The following WAC variants were observed in gnomAD, a reference collection of about 807,000 sequenced individuals.
The protein encoded by WAC is WW domain containing adaptor with coiled-coil.
A neutral mutation model predicts 79.6 loss-of-function variants in WAC; 11 were observed. The observed-to-expected ratio is 0.14, with a 90% CI of 0.09 to 0.23. The LOEUF is 0.23. Among genes scored for constraint, WAC ranks in the 10% least tolerant of loss-of-function variants. WAC has a pLI of 1.00. For synonymous variants in WAC, 304 were observed against 276.9 expected, an observed-to-expected ratio of 1.10 and a Z score of -0.97; for missense variants, 728 against 773.5, an observed-to-expected ratio of 0.94 and a Z score of 0.70.
chr10:28,579,622 T>C (rs971584231), intron 3 of WAC, among the ~76,000 whole-genome samples: 3 of 152,218 alleles, frequency 2.0e-5, no homozygotes, highest in Non-Finnish European at 4.4e-5. Context: ...GTTGTAGCAC[T>C]TCTTTTCGGT....
At chr10:28,596,849 C>A (rs1420892721) in intron 7 of WAC, among the ~76,000 whole-genome samples, 1 of 152,114 alleles carries the variant, frequency 6.6e-6, no homozygotes, top group African/African-American at 2.4e-5. Flanking sequence ...TACATTAATT[C>A]ACATTGATTC....
At chr10:28,534,702 CATA>C (rs1400324275) in intron 2 of WAC, among the ~76,000 whole-genome samples, 2 of 152,192 alleles carry the variant, frequency 1.3e-5, no homozygotes, top group East Asian at 1.9e-4. Flanking sequence ...AGGGAAACCT[CATA>C]ATGATTGTTA....
chr10:28,608,541 T>C (rs1841070593), intron 8 of WAC, 110 bp downstream of exon 8: 1 of 1,200,988 alleles, frequency 8.3e-7, no homozygotes, highest in Non-Finnish European at 1.1e-6. Context: ...AAATTTATAG[T>C]TGAACACTTT....
chr10:28,546,131 C>T (rs368808561), intron 3 of WAC, among the ~76,000 whole-genome samples: 1 of 152,292 alleles, frequency 6.6e-6, no homozygotes. Context: ...TTACTTCTGA[C>T]TTTGTATGAC....
chr10:28,586,783 T>G (rs1472970892), intron 4 of WAC, among the ~76,000 whole-genome samples: 1 of 151,976 alleles, frequency 6.6e-6, no homozygotes, highest in Non-Finnish European at 1.5e-5. Flanking sequence ...CAAAGGGGGC[T>G]CTGAATTAGG....
rs140693511 is a variant in WAC at position 28,614,589 on chromosome 10, A to G, written c.1460A>G (p.Gln487Arg). ...CAGGTTAGTACTCCAGTAGTTAAGC[A>G]AGGACCAGTGTCACAGTCAGCCACA... ...QPKVSTPVVKQGPVSQSATQQ... is the reference protein window; with the variant it reads ...QPKVSTPVVKRGPVSQSATQQ... The change falls in exon 11 of 14, where the codon CAA (glutamine) becomes CGA (arginine). Residue 487 changes from glutamine (Q) to arginine (R), a missense_variant. By Grantham distance (43) the Gln-to-Arg change is conservative (BLOSUM62 1). Around this residue, in one of 3 missense-constraint regions of WAC, gnomAD observed 648 missense variants for 661.5 expected, o/e 0.98. Coordinates refer to ENST00000354911, the MANE Select transcript of WAC (RefSeq NM_016628.5). 2 of 1,614,192 alleles carry G rather than the reference A, an allele frequency of 1.2e-6. No homozygotes were observed. Among genetic ancestry groups the G allele is most frequent in the Non-Finnish European group, 1.7e-6 (2 of 1,180,022 alleles).
intron 4 of WAC, among the ~76,000 whole-genome samples, chr10:28,587,249 A>T (rs1001659730): frequency 5.3e-5 from 8 of 152,210 alleles, no homozygotes; most frequent in African/African-American, 9.7e-5. Context: ...AGTAATTTTT[A>T]AAAAAATAGA....
intron 5 of WAC, 56 bp from the exon 6 acceptor site, chr10:28,590,664 G>A (rs1003668991): frequency 7.0e-7 from 1 of 1,438,274 alleles, no homozygotes; most frequent in Admixed American, 2.2e-5. Context: ...TGTTTAGTAT[G>A]GAAACTCATG....
intron 6 of WAC, among the ~76,000 whole-genome samples, chr10:28,592,904 CTG>C (rs1177325502): frequency 1.3e-5 from 2 of 151,954 alleles, no homozygotes; most frequent in Non-Finnish European, 2.9e-5. Flanking sequence ...GTTTTTATGT[CTG>C]TTTATAATTC....
chr10:28,605,158 A>G (rs1024955697), intron 7 of WAC, among the ~76,000 whole-genome samples: 8 of 152,212 alleles, frequency 5.3e-5, no homozygotes, highest in Non-Finnish European at 8.8e-5. Flanking sequence ...CCCTGATCGT[A>G]TCTTTATTCA....
rs1001622140 is a variant in WAC at position 28,622,291 on chromosome 10, A to G, written c.*2685A>G. ...TTAACTAGGGAATATCTATTAAAATAAGCATAATGTTCTGGACTAGAGTAT... is the reference window on the plus strand; with the variant it reads ...TTAACTAGGGAATATCTATTAAAATGAGCATAATGTTCTGGACTAGAGTAT... On this transcript the variant is annotated 3_prime_UTR_variant, in exon 14 of 14. Transcript: ENST00000354911. 6.6e-6 allele frequency: 1 copy of G among 152,122 alleles called. No individual in the cohort carries two copies. Among genetic ancestry groups the G allele is most frequent in the Non-Finnish European group, 1.5e-5 (1 of 68,026 alleles). The allele number at this position is 152,122 out of a possible 1,614,324, so 9.4% of individuals were successfully genotyped here.
At chr10:28,578,196 A>G (rs1839346559) in intron 3 of WAC, among the ~76,000 whole-genome samples, 1 of 152,150 alleles carries the variant, frequency 6.6e-6, no homozygotes, top group Non-Finnish European at 1.5e-5. Flanking sequence ...ATTACTGTGA[A>G]TTAGAATCTC....
At position 28,595,385 on chromosome 10, in the gene WAC, T is replaced by A. The variant is rs570277579; in HGVS notation, c.611-348T>A. Among the ~76,000 whole-genome samples, 53 of 152,104 alleles carry A rather than the reference T, an allele frequency of 3.5e-4. No homozygotes were observed. In the East Asian group the frequency reaches 6.8e-3, roughly 19 times the overall value. On this transcript the variant is annotated intron_variant, in intron 6 of 13. Coordinates refer to ENST00000354911, the MANE Select transcript of WAC (RefSeq NM_016628.5). ...CTTTTTCTGCCTTTAAAACATTTTTTAAAATTTTATAAGATATTATAACTC... is the reference window on the plus strand; with the variant it reads ...CTTTTTCTGCCTTTAAAACATTTTTAAAAATTTTATAAGATATTATAACTC...
intron 3 of WAC, among the ~76,000 whole-genome samples, chr10:28,543,000 T>C (rs1271340362): frequency 6.6e-6 from 1 of 152,196 alleles, no homozygotes; most frequent in Non-Finnish European, 1.5e-5. Flanking sequence ...CCTGAAACTT[T>C]ATAGCATTTA....
At chr10:28,551,822 C>CTTTT (rs1200045992) in intron 3 of WAC, among the ~76,000 whole-genome samples, 1 of 58,976 alleles carries the variant, frequency 1.7e-5, no homozygotes, top group Non-Finnish European at 3.5e-5. Flanking sequence ...GTGTGTGTTT[C>CTTTT]TTTTTTTTTT....
intron 7 of WAC, among the ~76,000 whole-genome samples, chr10:28,602,665 G>A (rs1488456251): frequency 6.6e-6 from 1 of 152,108 alleles, no homozygotes; most frequent in Non-Finnish European, 1.5e-5. Context: ...ATATTGAAAA[G>A]GATTTGAGAT....
intron 3 of WAC, among the ~76,000 whole-genome samples, chr10:28,540,709 T>C (rs1198809678): frequency 3.9e-5 from 6 of 152,216 alleles, no homozygotes; most frequent in Non-Finnish European, 8.8e-5. Flanking sequence ...GTAAAAATAG[T>C]GACACATGAC....
intron 3 of WAC, among the ~76,000 whole-genome samples, chr10:28,536,832 C>A (rs1836705620): frequency 6.6e-6 from 1 of 152,160 alleles, no homozygotes; most frequent in Non-Finnish European, 1.5e-5. Flanking sequence ...ATATTCTCTC[C>A]TACATGTTGC....
At chr10:28,611,736 T>C in intron 9 of WAC, 38 bp from the exon 10 acceptor site, 1 of 1,600,628 alleles carries the variant, frequency 6.2e-7, no homozygotes. Context: ...TGTTTTGTTT[T>C]GTTTTTCTTT....
Sources: allele counts gnomAD v4.1 joint callset (sites outside exome capture counted in the v4.1 genomes callset), GRCh38; gene constraint gnomAD v4.1.1; regional missense constraint gnomAD v4.1.1; transcripts MANE v1.5; gene names NCBI Gene and HGNC (gene_info 2026-07-23, HGNC 2026-07-21).